Variants in EBF2 observed in about 807,000 individuals in gnomAD.
EBF2 encodes the protein EBF transcription factor 2.
A neutral mutation model predicts 72.8 loss-of-function variants in EBF2; 21 were observed. The ratio of observed to expected loss-of-function variants is 0.29; its 90% CI spans 0.20 to 0.42. The LOEUF is 0.42. Ranked by LOEUF, EBF2 falls within the 10% of genes least tolerant of loss-of-function variation. The pLI is 1.00. For missense variants in EBF2, 637 were observed against 731.2 expected (o/e 0.87, Z 1.49); for synonymous variants, 299 against 274.2 (o/e 1.09, Z -0.89).
At chr8:26,003,561 T>A (rs1804777552) in intron 6 of EBF2, among the ~76,000 whole-genome samples, 1 of 152,006 alleles carries the variant, frequency 6.6e-6, no homozygotes, top group Non-Finnish European at 1.5e-5. Context: ...GGAGCACTGG[T>A]GGGGTGGGGG....
At chr8:25,924,557 T>C (rs910147121) in intron 6 of EBF2, among the ~76,000 whole-genome samples, 1 of 152,248 alleles carries the variant, frequency 6.6e-6, no homozygotes, top group Admixed American at 6.5e-5. Flanking sequence ...CCATGTTCTG[T>C]ATTCAGCTGT....
intron 6 of EBF2, among the ~76,000 whole-genome samples, chr8:25,989,794 A>G (rs1235720370): frequency 5.9e-5 from 9 of 152,228 alleles, no homozygotes; most frequent in Admixed American, 1.3e-4. Flanking sequence ...TAAGAGAGCC[A>G]TGGGTGGCCT....
chr8:26,030,039 G>A (rs756576391), intron 6 of EBF2, among the ~76,000 whole-genome samples: 1 of 152,102 alleles, frequency 6.6e-6, no homozygotes, highest in Non-Finnish European at 1.5e-5. Context: ...AGCCTCCTGA[G>A]TATCTAGGGC....
intron 6 of EBF2, among the ~76,000 whole-genome samples, chr8:25,915,065 G>A (rs1373121233): frequency 6.6e-6 from 1 of 152,110 alleles, no homozygotes; most frequent in Admixed American, 6.5e-5. Context: ...TATTCATTGA[G>A]CTTATATTAT....
At chr8:26,006,805 C>T (rs1021699244) in intron 6 of EBF2, among the ~76,000 whole-genome samples, 1 of 152,166 alleles carries the variant, frequency 6.6e-6, no homozygotes, top group African/African-American at 2.4e-5. Context: ...AGAACCACTG[C>T]AATTTCTTTT....
chr8:25,982,843 G>A (rs1804384196), intron 6 of EBF2, among the ~76,000 whole-genome samples: 1 of 151,754 alleles, frequency 6.6e-6, no homozygotes, highest in Admixed American at 6.6e-5. Context: ...AAAAATCTGT[G>A]CTCTATTATT....
intron 6 of EBF2, among the ~76,000 whole-genome samples, chr8:26,020,874 G>C (rs1805193614): frequency 6.6e-6 from 1 of 152,178 alleles, no homozygotes; most frequent in East Asian, 1.9e-4. Flanking sequence ...ATTTGCTTGG[G>C]TAAGTATCGA....
chr8:25,893,251 C>T (rs1189171346), intron 7 of EBF2, among the ~76,000 whole-genome samples: 1 of 144,564 alleles, frequency 6.9e-6, no homozygotes, highest in Non-Finnish European at 1.5e-5. Flanking sequence ...GGAGAGGGTG[C>T]TTTGGGCTTT....
At chr8:26,042,279 C>A in intron 1 of EBF2, 28 bp from the exon 2 acceptor site, 1 of 1,598,630 alleles carries the variant, frequency 6.3e-7, no homozygotes, top group Non-Finnish European at 8.5e-7. Context: ...CGGGGGAACA[C>A]AAGACACGGG....
intron 6 of EBF2, among the ~76,000 whole-genome samples, chr8:25,984,554 C>A (rs951675710): frequency 6.6e-6 from 1 of 152,044 alleles, no homozygotes; most frequent in Non-Finnish European, 1.5e-5. Flanking sequence ...TGGTGGCGCA[C>A]GCCTGCAGTT....
intron 6 of EBF2, among the ~76,000 whole-genome samples, chr8:25,948,125 A>T (rs184919647): frequency 3.9e-5 from 6 of 152,304 alleles, no homozygotes; most frequent in Admixed American, 3.9e-4. Context: ...CCTCCTGTAC[A>T]TTGGACATAG....
rs560076332 is a variant in EBF2 at position 25,936,267 on chromosome 8, C to G, written c.552-27712G>C. 6.6e-5 allele frequency among the ~76,000 whole-genome samples: 10 copies of G among 152,346 alleles called. No individual in the cohort carries two copies. The South Asian group carries it at 2.1e-3, about 32-fold the overall frequency. On this transcript the variant is annotated intron_variant, in intron 6 of 15. Coordinates refer to ENST00000520164, the MANE Select transcript of EBF2 (RefSeq NM_022659.4). ...ATTTATCTTTGGCTCCTCTATTGAG[C>G]TTTCCTTAAACTGTCCTTTTAAAAT...
chr8:25,927,184 C>T (rs1459236601), intron 6 of EBF2, among the ~76,000 whole-genome samples: 2 of 152,088 alleles, frequency 1.3e-5, no homozygotes, highest in Non-Finnish European at 2.9e-5. Context: ...AAAAATTCTG[C>T]CTCAAAACTG....
chr8:25,991,795 G>A lies in EBF2; in HGVS notation c.551+41290C>T, dbSNP rs180785598. Among the ~76,000 whole-genome samples, 161 of 152,108 alleles carry A rather than the reference G, an allele frequency of 1.1e-3. 1 individual carries two copies. The highest frequency in any genetic ancestry group is 3.8e-3 in the African/African-American group (156 of 41,510). On this transcript the variant is annotated intron_variant, in intron 6 of 15. Coordinates refer to ENST00000520164, the MANE Select transcript of EBF2 (RefSeq NM_022659.4). ...CAGGAGGCAGAGGTTGTAGTGAGCC[G>A]AGATCGCACAACTGCACTCCAGCCT...
intron 14 of EBF2, among the ~76,000 whole-genome samples, chr8:25,853,945 G>C (rs975670796): frequency 1.6e-4 from 25 of 151,966 alleles, no homozygotes; most frequent in African/African-American, 6.0e-4. Flanking sequence ...TTTTAGCAAT[G>C]GTATCTCTGG....
chr8:25,872,732 A>G (rs1178660431), intron 10 of EBF2, among the ~76,000 whole-genome samples: 2 of 152,200 alleles, frequency 1.3e-5, no homozygotes, highest in Non-Finnish European at 2.9e-5. Flanking sequence ...AATCTATATA[A>G]TGTGACTGCC....
At chr8:25,913,896 CA>C (rs1245394369) in intron 6 of EBF2, among the ~76,000 whole-genome samples, 1 of 152,174 alleles carries the variant, frequency 6.6e-6, no homozygotes, top group South Asian at 2.1e-4. Flanking sequence ...AATTAAAATA[CA>C]ATTGAGTTTC....
intron 6 of EBF2, among the ~76,000 whole-genome samples, chr8:25,992,703 G>C (rs907940807): frequency 1.3e-5 from 2 of 151,286 alleles, no homozygotes; most frequent in Middle Eastern, 3.5e-3. Flanking sequence ...AGGAGTTCGA[G>C]ACCAGCCTGG....
chr8:25,903,946 T>C lies in EBF2; in HGVS notation c.633+4528A>G, dbSNP rs114697934. Among the ~76,000 whole-genome samples the C allele has an allele frequency of 6.1e-3, 929 of 152,200 alleles. 5 individuals are homozygous for C. The highest frequency in any genetic ancestry group is 0.021 in the African/African-American group (864 of 41,518). On this transcript the variant is annotated intron_variant, in intron 7 of 15. Coordinates refer to ENST00000520164, the MANE Select transcript of EBF2 (RefSeq NM_022659.4). The stretch of plus-strand genomic sequence containing the variant: ...GCAGCTCTAAAGAAGTCTGAGAATA[T>C]GGATACAGAAATCATCCAGGAACAG...
Sources: allele counts gnomAD v4.1 joint callset (sites outside exome capture counted in the v4.1 genomes callset), GRCh38; gene constraint gnomAD v4.1.1; transcripts MANE v1.5; gene names NCBI Gene and HGNC (gene_info 2026-07-23, HGNC 2026-07-21).